Variants in SLC29A4 observed in about 807,000 individuals in gnomAD.
The protein encoded by SLC29A4 is solute carrier family 29 member 4.
In SLC29A4, 36 loss-of-function variants were observed where a neutral mutation model predicts 43.9. That is an observed-to-expected ratio of 0.82 (90% CI 0.63 to 1.08). SLC29A4 has a LOEUF of 1.08. SLC29A4 is among the 50% of genes least tolerant of loss of function. SLC29A4 has a pLI of 0.00. For missense variants in SLC29A4, 869 were observed against 755.3 expected, an observed-to-expected ratio of 1.15 and a Z score of -1.77; for synonymous variants, 491 against 338.0, an observed-to-expected ratio of 1.45 and a Z score of -4.97.
intron 1 of SLC29A4, among the ~76,000 whole-genome samples, chr7:5,284,724 C>T (rs1197220852): frequency 1.3e-5 from 2 of 152,166 alleles, no homozygotes; most frequent in African/African-American, 4.8e-5. Context: ...CAGCAGGGTC[C>T]CCACCCCCTC....
At chr7:5,296,396 C>T (rs1228231527) in intron 6 of SLC29A4, among the ~76,000 whole-genome samples, 2 of 149,544 alleles carry the variant, frequency 1.3e-5, no homozygotes, top group African/African-American at 2.5e-5. Flanking sequence ...GGTGTGTGAG[C>T]GGCGTCGGGG....
chr7:5,283,284 G>A (rs1294163955), intron 1 of SLC29A4, among the ~76,000 whole-genome samples: 1 of 151,552 alleles, frequency 6.6e-6, no homozygotes, highest in Non-Finnish European at 1.5e-5. Flanking sequence ...GACAAGCGCG[G>A]ACCCGGACCC....
intron 2 of SLC29A4, among the ~76,000 whole-genome samples, chr7:5,289,421 A>G (rs73332835): frequency 0.024 from 3,632 of 152,120 alleles, 154 homozygotes; most frequent in African/African-American, 0.083. Context: ...CAATTGGCTG[A>G]CTAAAGTGGG....
chr7:5,286,279 C>G (rs1784940313), intron 1 of SLC29A4, among the ~76,000 whole-genome samples: 1 of 152,122 alleles, frequency 6.6e-6, no homozygotes, highest in African/African-American at 2.4e-5. Flanking sequence ...AATCCTAGCA[C>G]TTTGGGAGGC....
rs1379517508 is a variant in SLC29A4, at chr7:5,299,406, C to T, written c.1188C>T (p.Asn396=). Residue 396 remains asparagine, a synonymous_variant, in exon 9 of 11, where the codon AAC becomes AAT. Coordinates refer to ENST00000396872, the MANE Select transcript of SLC29A4 (RefSeq NM_153247.4). ...WLPILIMAVF[N]LSDFVGKILA... is the part of the protein sequence containing the mutation. ...CCATCCTCATCATGGCTGTGTTCAA[C>T]CTGTCAGACTTCGTGGGCAAGGTGG... 2.0e-5 allele frequency: 32 copies of T among 1,611,776 alleles called. No individual in the cohort carries two copies. Among genetic ancestry groups the T allele is most frequent in the Non-Finnish European group, 2.5e-5 (30 of 1,179,564 alleles).
At chr7:5,289,126 G>A (rs1219970901) in intron 2 of SLC29A4, among the ~76,000 whole-genome samples, 1 of 152,188 alleles carries the variant, frequency 6.6e-6, no homozygotes, top group Non-Finnish European at 1.5e-5. Flanking sequence ...GCTCGGCACG[G>A]TGGCTCATGC....
chr7:5,288,119 A>T (rs529253619), intron 2 of SLC29A4, 134 bp downstream of exon 2: 5 of 1,174,870 alleles, frequency 4.3e-6, no homozygotes, highest in Non-Finnish European at 5.9e-6. Context: ...GTCAGTGTGG[A>T]TTAGATCTGC....
intron 1 of SLC29A4, among the ~76,000 whole-genome samples, chr7:5,283,459 G>A (rs1444497171): frequency 1.3e-5 from 2 of 151,982 alleles, no homozygotes; most frequent in African/African-American, 4.8e-5. Context: ...GGAGAGGCGG[G>A]GCCTGGGCTC....
rs1312166605 is a variant in SLC29A4 at position 5,297,184 on chromosome 7, G to A, written c.868G>A (p.Gly290Arg). 25 of 1,589,718 alleles carry A rather than the reference G, an allele frequency of 1.6e-5. No individual in the cohort carries two copies. The East Asian group carries it at 1.8e-4, about 11-fold the overall frequency. ...GYRVHHDVVA[G>R]DVHFEHPAPA... ...CCGCGTGCACCACGACGTTGTCGCC[G>A]GGGACGTCCACTTCGTAAGTGCGCA... Residue 290 changes from glycine (G) to arginine (R), a missense_variant, in exon 7 of 11, where the codon GGG (glycine) becomes AGG (arginine). Transcript: ENST00000396872.
chr7:5,288,328 CGGAGTCTCACT>C (rs1562441983), intron 2 of SLC29A4, among the ~76,000 whole-genome samples: 5 of 74,506 alleles, frequency 6.7e-5, no homozygotes, highest in Non-Finnish European at 1.0e-4. Context: ...TTTTTTGAGA[CGGAGTCTCACT>C]CTGTCACCCG....
At position 5,299,392 on chromosome 7, in the gene SLC29A4, A is replaced by G. The variant is rs376919244; in HGVS notation, c.1174A>G (p.Met392Val). 30 of 1,611,890 alleles carry G rather than the reference A, an allele frequency of 1.9e-5. No homozygotes were observed. In the Admixed American group the frequency reaches 2.5e-4, roughly 13 times the overall value. The change falls in exon 9 of 11, where the codon ATG (methionine) becomes GTG (valine). Residue 392 changes from methionine (M) to valine (V), a missense_variant. Met to Val is a conservative substitution (Grantham distance 21, BLOSUM62 1). Transcript: ENST00000396872. Reference sequence around the variant, plus strand: ...GGGCGAGTGGCTGCCCATCCTCATCATGGCTGTGTTCAACCTGTCAGACTT... The same window carrying G: ...GGGCGAGTGGCTGCCCATCCTCATCGTGGCTGTGTTCAACCTGTCAGACTT... ...ILGEWLPILI[M>V]AVFNLSDFVG...
rs753798003 is a variant in SLC29A4, at chr7:5,296,982, G to C, written c.666G>C (p.Leu222=). 6.2e-7 allele frequency: 1 copy of C among 1,602,516 alleles called. No individual in the cohort carries two copies. The highest frequency in any genetic ancestry group is 8.5e-7 in the Non-Finnish European group (1 of 1,179,458). ...MISLSRILTK[L]LLPDERASTL... ...CTCTGAGCCGCATCCTCACGAAGCT[G>C]CTGCTGCCCGACGAGCGCGCCAGCA... Residue 222 remains leucine (L), a synonymous_variant, in exon 7 of 11, where the codon CTG becomes CTC. Coordinates refer to ENST00000396872, the MANE Select transcript of SLC29A4 (RefSeq NM_153247.4).
chr7:5,288,113 G>A (rs1785074589), intron 2 of SLC29A4, 128 bp downstream of exon 2: 2 of 1,213,708 alleles, frequency 1.6e-6, no homozygotes, highest in Admixed American at 2.9e-5. Flanking sequence ...GTGCCTGTCA[G>A]TGTGGATTAG....
intron 2 of SLC29A4, 65 bp from the exon 3 acceptor site, chr7:5,290,667 C>G: frequency 6.4e-7 from 1 of 1,554,880 alleles, no homozygotes; most frequent in Non-Finnish European, 8.7e-7. Context: ...GTGGACATCG[C>G]CCTGTGCGGT....
At chr7:5,284,077 C>T (rs1307193080) in intron 1 of SLC29A4, among the ~76,000 whole-genome samples, 2 of 147,780 alleles carry the variant, frequency 1.4e-5, no homozygotes, top group East Asian at 2.1e-4. Context: ...CCTCAGTCGC[C>T]CTCCCTGCAA....
intron 6 of SLC29A4, 123 bp from the exon 7 acceptor site, chr7:5,296,794 GGGGCCTGTGGGTGGGGGCA>G (rs1299109942): frequency 4.3e-5 from 40 of 935,070 alleles, no homozygotes; most frequent in East Asian, 2.8e-4. Flanking sequence ...GGTGGAGGGC[GGGGCCTGTGGGTGGGGGCA>G]GGGCCTGTGG....
chr7:5,302,096 GC>G (rs763535660), intron 10 of SLC29A4, among the ~76,000 whole-genome samples: 47 of 152,060 alleles, frequency 3.1e-4, no homozygotes, highest in Non-Finnish European at 6.2e-4. Flanking sequence ...GATTATGGAT[GC>G]CCCCCACCAT....
chr7:5,297,351 T>G (rs1463785737), intron 7 of SLC29A4, among the ~76,000 whole-genome samples, 153 bp downstream of exon 7: 1 of 152,224 alleles, frequency 6.6e-6, no homozygotes. Context: ...GCCTCCTTTA[T>G]TCTGTGTACT....
At chr7:5,298,006 G>A (rs6958051) in intron 7 of SLC29A4, among the ~76,000 whole-genome samples, 36,410 of 152,162 alleles carry the variant, frequency 0.24, 4,615 homozygotes, top group Non-Finnish European at 0.26. Flanking sequence ...GCTCAGGGCC[G>A]GCAGCTGTAC....
Sources: gnomAD v4.1 joint callset for allele counts (sites outside exome capture counted in the v4.1 genomes callset) on GRCh38, gnomAD v4.1.1 for gene constraint, MANE v1.5 for transcripts, NCBI Gene and HGNC (gene_info 2026-07-23, HGNC 2026-07-21) for gene names.